The following COL25A1 variants were observed in gnomAD, a reference collection of about 807,000 sequenced individuals.
COL25A1 encodes the protein collagen alpha-1(XXV) chain.
COL25A1 carries 103 observed loss-of-function variants against 128.4 expected under a neutral mutation model. That is an observed-to-expected ratio of 0.80 (90% confidence interval 0.68 to 0.94). The LOEUF (loss-of-function observed/expected upper bound fraction) is 0.94. COL25A1 is among the 40% of genes least tolerant of loss of function. The probability of loss-of-function intolerance (pLI) is 0.00; values close to 1 mark genes in which losing one functional copy is unlikely to be tolerated. For missense variants in COL25A1, 745 were observed against 840.0 expected, an observed-to-expected ratio of 0.89 and a Z score of 1.40; for synonymous variants, 279 against 277.2, an observed-to-expected ratio of 1.01 and a Z score of -0.06.
chr4:108,965,246 T>C (rs1051196618), intron 8 of COL25A1, among the ~76,000 whole-genome samples: 1 of 152,192 alleles, frequency 6.6e-6, no homozygotes, highest in Non-Finnish European at 1.5e-5. Flanking sequence ...TTTATGAAAA[T>C]GTGAAGCAGA....
At chr4:108,872,068 G>T (rs375172310) in intron 19 of COL25A1, among the ~76,000 whole-genome samples, 1 of 152,086 alleles carries the variant, frequency 6.6e-6, no homozygotes, top group African/African-American at 2.4e-5. Context: ...ACAATAACAC[G>T]AAGACATTAT....
intron 3 of COL25A1, among the ~76,000 whole-genome samples, chr4:109,055,345 T>C (rs1326077307): frequency 2.0e-5 from 3 of 152,172 alleles, no homozygotes; most frequent in Non-Finnish European, 4.4e-5. Context: ...CCATACTGAA[T>C]TGCAACCATT....
chr4:109,138,272 T>C (rs957696023), intron 3 of COL25A1, among the ~76,000 whole-genome samples: 1 of 152,202 alleles, frequency 6.6e-6, no homozygotes, highest in Non-Finnish European at 1.5e-5. Flanking sequence ...TTGCTGAGAA[T>C]GATGGTTCCC....
chr4:109,188,027 C>T lies in COL25A1; in HGVS notation c.367+112556G>A, dbSNP rs571663218. On this transcript the variant is annotated intron_variant, in intron 3 of 37. Transcript: ENST00000399132. ...ATGAAAAGTGAGAGTAAGGGAAACC[C>T]GTGACAAGAACATGGAAGAATTTCC... Among the ~76,000 whole-genome samples, 8 of 152,106 alleles carry T rather than the reference C, an allele frequency of 5.3e-5. No homozygotes were observed. In the South Asian group the frequency reaches 6.2e-4, roughly 12 times the overall value.
chr4:109,240,204 A>G (rs2158470), intron 3 of COL25A1, among the ~76,000 whole-genome samples: 26,333 of 152,048 alleles, frequency 0.17, 2,564 homozygotes, highest in East Asian at 0.3. Context: ...GTTTATTATC[A>G]TTACCAAGTA....
rs182494811 is a variant in COL25A1 at position 109,277,537 on chromosome 4, G to A, written c.367+23046C>T. Among the ~76,000 whole-genome samples the A allele has an allele frequency of 4.4e-3, 668 of 152,238 alleles. 4 individuals are homozygous for A. Among genetic ancestry groups the A allele is most frequent in the Middle Eastern group, 0.027 (8 of 294 alleles). Reference sequence around the variant, plus strand: ...CTGAAAGTATCTAGCAACTAAATTAGATTTGTCCTATATGAAAATATCAGA... The same window carrying A: ...CTGAAAGTATCTAGCAACTAAATTAAATTTGTCCTATATGAAAATATCAGA... On this transcript the variant is annotated intron_variant, in intron 3 of 37. Transcript: ENST00000399132.
In COL25A1 at chr4:108,996,992, T is replaced by C. The variant is rs182292438; in HGVS notation, c.438+13366A>G. On this transcript the variant is annotated intron_variant, in intron 6 of 37. Coordinates refer to ENST00000399132, the MANE Select transcript of COL25A1 (RefSeq NM_198721.4). ...ATTTAAAGCAGTGTGTAGAGGGAAA[T>C]TTATAGCACCAAATGCCCACAAGAG... Among the ~76,000 whole-genome samples, 11 of 152,224 alleles carry C rather than the reference T, an allele frequency of 7.2e-5. No individual in the cohort carries two copies. The East Asian group carries it at 2.1e-3, about 29-fold the overall frequency.
chr4:109,034,510 T>C (rs775432053), intron 5 of COL25A1, among the ~76,000 whole-genome samples: 8 of 152,200 alleles, frequency 5.3e-5, no homozygotes, highest in Non-Finnish European at 1.0e-4. Context: ...GTTCTGTCCA[T>C]GTGACAAGGT....
intron 3 of COL25A1, among the ~76,000 whole-genome samples, chr4:109,159,715 G>T (rs1220066066): frequency 6.6e-6 from 1 of 152,272 alleles, no homozygotes; most frequent in Middle Eastern, 3.4e-3. Flanking sequence ...CATAAGACAG[G>T]GTTCTAACTA....
intron 6 of COL25A1, among the ~76,000 whole-genome samples, chr4:109,004,780 A>T (rs189690469): frequency 6.6e-6 from 1 of 152,274 alleles, no homozygotes; most frequent in African/African-American, 2.4e-5. Context: ...AGATGCCAGC[A>T]CTATGCTTCC....
At chr4:108,881,302 T>C (rs113631275) in intron 19 of COL25A1, among the ~76,000 whole-genome samples, 1 of 152,204 alleles carries the variant, frequency 6.6e-6, no homozygotes, top group Non-Finnish European at 1.5e-5. Context: ...GTGGAAGGCA[T>C]GTGGATGCTC....
At chr4:108,852,994 G>T in intron 24 of COL25A1, 69 bp from the exon 25 acceptor site, 1 of 1,387,178 alleles carries the variant, frequency 7.2e-7, no homozygotes, top group Non-Finnish European at 1.0e-6. Context: ...TAATACATTT[G>T]TGAAATAATC....
intron 33 of COL25A1, among the ~76,000 whole-genome samples, chr4:108,825,859 C>A (rs1362111413): frequency 1.3e-5 from 2 of 152,046 alleles, no homozygotes; most frequent in Admixed American, 6.5e-5. Context: ...TGAATAATCC[C>A]CAAATTTTTT....
intron 14 of COL25A1, among the ~76,000 whole-genome samples, chr4:108,900,017 T>G (rs1199518151): frequency 1.3e-5 from 2 of 152,076 alleles, no homozygotes; most frequent in African/African-American, 4.8e-5. Context: ...TCAGACTGCT[T>G]TGGAAAAAAA....
chr4:109,194,869 T>C (rs1396493025), intron 3 of COL25A1, among the ~76,000 whole-genome samples: 1 of 152,208 alleles, frequency 6.6e-6, no homozygotes, highest in East Asian at 1.9e-4. Flanking sequence ...CATTTAGGTA[T>C]AATGTGACAC....
intron 3 of COL25A1, among the ~76,000 whole-genome samples, chr4:109,241,956 A>G (rs1779925689): frequency 6.6e-6 from 1 of 152,048 alleles, no homozygotes; most frequent in Non-Finnish European, 1.5e-5. Flanking sequence ...GAAAGTCACC[A>G]TATCAAGACT....
At chr4:108,932,799 G>T (rs778245425) in intron 11 of COL25A1, among the ~76,000 whole-genome samples, 4 of 152,158 alleles carry the variant, frequency 2.6e-5, no homozygotes, top group African/African-American at 4.8e-5. Flanking sequence ...TTTTAACAAC[G>T]ATTTGAATCT....
chr4:109,088,748 C>A (rs150164106), intron 3 of COL25A1, among the ~76,000 whole-genome samples: 64 of 152,304 alleles, frequency 4.2e-4, no homozygotes, highest in African/African-American at 1.5e-3. Context: ...ACATACTCTT[C>A]TCTGCGGGGC....
At chr4:108,940,723 T>C in intron 9 of COL25A1, 77 bp from the exon 10 acceptor site, 1 of 890,632 alleles carries the variant, frequency 1.1e-6, no homozygotes, top group Non-Finnish European at 1.7e-6. Flanking sequence ...CACCTTAAAT[T>C]TGTATTATCT....
Sources: allele counts gnomAD v4.1 joint callset (sites outside exome capture counted in the v4.1 genomes callset), GRCh38; gene constraint gnomAD v4.1.1; transcripts MANE v1.5; gene names NCBI Gene and HGNC (gene_info 2026-07-23, HGNC 2026-07-21).